NPAS3: variants seen among roughly 807,000 people sequenced by gnomAD.
NPAS3 encodes the protein neuronal PAS domain protein 3.
Under a neutral mutation model 73.1 loss-of-function variants are expected in NPAS3, and 14 were observed. That is an observed-to-expected ratio of 0.19 (90% CI 0.13 to 0.30). The LOEUF (loss-of-function observed/expected upper bound fraction) is 0.30. Among genes scored for constraint, NPAS3 ranks in the 10% least tolerant of loss-of-function variants. The probability of loss-of-function intolerance (pLI) is 1.00; values close to 1 mark genes in which losing one functional copy is unlikely to be tolerated. For synonymous variants in NPAS3, 620 were observed against 541.5 expected, an observed-to-expected ratio of 1.14 and a Z score of -2.01; for missense variants, 1,096 against 1,250.0, an observed-to-expected ratio of 0.88 and a Z score of 1.86.
chr14:33,267,460 G>T (rs1005157595), intron 3 of NPAS3, among the ~76,000 whole-genome samples: 4 of 152,116 alleles, frequency 2.6e-5, no homozygotes, highest in Non-Finnish European at 4.4e-5. Flanking sequence ...GTAGAATAGA[G>T]AATTAAGAAC....
intron 3 of NPAS3, among the ~76,000 whole-genome samples, chr14:33,307,170 A>C (rs1015418204): frequency 1.3e-5 from 2 of 152,186 alleles, no homozygotes; most frequent in African/African-American, 4.8e-5. Flanking sequence ...TATCCAATTT[A>C]ATTATAATGT....
chr14:33,534,515 A>C (rs756518986), intron 4 of NPAS3, among the ~76,000 whole-genome samples: 7 of 152,168 alleles, frequency 4.6e-5, no homozygotes, highest in Non-Finnish European at 1.0e-4. Flanking sequence ...TTCAGTGGAC[A>C]AGTATTTTCA....
intron 7 of NPAS3, among the ~76,000 whole-genome samples, chr14:33,736,613 A>G (rs1179956594): frequency 6.6e-6 from 1 of 152,284 alleles, no homozygotes; most frequent in African/African-American, 2.4e-5. Context: ...GCAAGTTTGG[A>G]GTTCTATAAG....
chr14:32,946,437 A>G (rs1416697550), intron 1 of NPAS3, among the ~76,000 whole-genome samples: 2 of 150,748 alleles, frequency 1.3e-5, no homozygotes, highest in African/African-American at 2.4e-5. Flanking sequence ...TTTTTCCTCT[A>G]TGCCAGGAAC....
intron 5 of NPAS3, among the ~76,000 whole-genome samples, chr14:33,627,541 C>G (rs1441965444): frequency 1.3e-5 from 2 of 152,170 alleles, no homozygotes; most frequent in Middle Eastern, 3.2e-3. Flanking sequence ...TAGTTGAAGA[C>G]TTTTCAGGTT....
intron 2 of NPAS3, among the ~76,000 whole-genome samples, chr14:33,085,995 G>A (rs527329449): frequency 6.6e-6 from 1 of 152,072 alleles, no homozygotes; most frequent in Non-Finnish European, 1.5e-5. Context: ...AAGGCATATT[G>A]TCTCTTGGCA....
In NPAS3 at chr14:33,075,315, C is replaced by T. The variant is rs186523770; in HGVS notation, c.140+19321C>T. Among the ~76,000 whole-genome samples, 37 of 152,208 alleles carry T rather than the reference C, an allele frequency of 2.4e-4. 1 individual carries two copies. Among genetic ancestry groups the T allele is most frequent in the Admixed American group, 2.1e-3 (32 of 15,290 alleles). On this transcript the variant is annotated intron_variant, in intron 2 of 11. Coordinates refer to ENST00000356141, the Ensembl canonical transcript of NPAS3. ...GAGCATGAGTATCCTGAAATGTAAG[C>T]GGATTCTATTATTAGCAATGTGTTA...
intron 6 of NPAS3, among the ~76,000 whole-genome samples, chr14:33,723,331 G>T (rs931040287): frequency 1.3e-4 from 19 of 151,996 alleles, no homozygotes; most frequent in African/African-American, 4.6e-4. Flanking sequence ...CTAGGAAAAG[G>T]GCTGCCGGAT....
chr14:33,227,992 G>A (rs1031936787), intron 3 of NPAS3, among the ~76,000 whole-genome samples: 3 of 152,142 alleles, frequency 2.0e-5, no homozygotes, highest in African/African-American at 7.2e-5. Context: ...TTTCTTGACT[G>A]AAAAAAATGG....
chr14:33,527,872 G>A (rs895484769), intron 4 of NPAS3, among the ~76,000 whole-genome samples: 1 of 152,020 alleles, frequency 6.6e-6, no homozygotes, highest in Admixed American at 6.6e-5. Flanking sequence ...CCAGAGGGTG[G>A]CAAAAATTTG....
chr14:33,685,736 T>C (rs1462392088), intron 6 of NPAS3, among the ~76,000 whole-genome samples: 1 of 152,244 alleles, frequency 6.6e-6, no homozygotes, highest in Non-Finnish European at 1.5e-5. Flanking sequence ...ATTAATGATA[T>C]ATTAATAGCT....
chr14:33,506,654 T>C (rs1195488981), intron 4 of NPAS3, among the ~76,000 whole-genome samples: 1 of 152,088 alleles, frequency 6.6e-6, no homozygotes. Context: ...TGTTAGTGTA[T>C]GGTAGACAGC....
rs199700779 is a variant in NPAS3 at position 33,353,172 on chromosome 14, A to AT, written c.386-14013dup. On this transcript the variant is annotated intron_variant, in intron 3 of 11. Coordinates refer to ENST00000356141, the Ensembl canonical transcript of NPAS3. ...TGGCTTCTGTAAAAAAAAAAAAAAA[A>AT]TATTGGGAAACAAGGTCTTTTTGTC... 3.5e-3 allele frequency among the ~76,000 whole-genome samples: 513 copies of AT among 146,936 alleles called. 1 individual carries two copies. The highest frequency in any genetic ancestry group is 5.7e-3 in the Non-Finnish European group (381 of 66,824).
At chr14:33,217,812 G>A (rs192544734) in intron 3 of NPAS3, among the ~76,000 whole-genome samples, 24 of 152,290 alleles carry the variant, frequency 1.6e-4, no homozygotes, top group Admixed American at 1.1e-3. Context: ...TGAGGCAAGT[G>A]TTAAGTGGAA....
intron 2 of NPAS3, among the ~76,000 whole-genome samples, chr14:33,174,090 G>A (rs965763876): frequency 6.6e-6 from 1 of 152,270 alleles, no homozygotes; most frequent in South Asian, 2.1e-4. Context: ...AGTGTGTTAT[G>A]CTCTCTTTAA....
At chr14:33,138,914 G>C (rs528952020) in intron 2 of NPAS3, among the ~76,000 whole-genome samples, 1 of 152,284 alleles carries the variant, frequency 6.6e-6, no homozygotes, top group South Asian at 2.1e-4. Context: ...GGAAGAACTG[G>C]ATGCATGATT....
rs761321297 is a variant in NPAS3 at position 33,568,986 on chromosome 14, T to A, written c.558+8776T>A. On this transcript the variant is annotated intron_variant, in intron 5 of 11. Transcript: ENST00000356141. ...ATTATTTAAAGTATCTTTTGATGCA[T>A]TTTTGTGTGAATATGTGTTTATTCA... Among the ~76,000 whole-genome samples, 75 of 152,354 alleles carry A rather than the reference T, an allele frequency of 4.9e-4. 1 individual carries two copies. The highest frequency in any genetic ancestry group is 1.2e-3 in the South Asian group (6 of 4,828).
At chr14:33,551,503 C>T (rs1408726346) in intron 4 of NPAS3, among the ~76,000 whole-genome samples, 1 of 152,156 alleles carries the variant, frequency 6.6e-6, no homozygotes, top group African/African-American at 2.4e-5. Flanking sequence ...TGAGGCTGTA[C>T]TTTCAGGTAA....
intron 4 of NPAS3, among the ~76,000 whole-genome samples, chr14:33,376,684 C>T (rs980965127): frequency 1.7e-4 from 26 of 152,242 alleles, no homozygotes; most frequent in African/African-American, 5.3e-4. Context: ...TCATTATGTG[C>T]GTGGATTTGG....
Sources: gnomAD v4.1 joint callset for allele counts (sites outside exome capture counted in the v4.1 genomes callset) on GRCh38, gnomAD v4.1.1 for gene constraint, MANE v1.5 for transcripts, NCBI Gene and HGNC (gene_info 2026-07-23, HGNC 2026-07-21) for gene names.